The following SYNPO variants were observed in gnomAD, a reference collection of about 807,000 sequenced individuals.
The protein encoded by SYNPO is synaptopodin.
SYNPO carries 19 observed loss-of-function variants against 49.5 expected under a neutral mutation model. That is an observed-to-expected ratio of 0.38 (90% CI 0.27 to 0.56). SYNPO has a LOEUF of 0.56. Ranked by LOEUF, SYNPO falls within the 20% of genes least tolerant of loss-of-function variation. The pLI is 0.68. For missense variants in SYNPO, 1,131 were observed against 1,248.3 expected (o/e 0.91, Z 1.42); for synonymous variants, 536 against 548.0 (o/e 0.98, Z 0.31).
chr5:150,616,141 C>T (rs143997171), intron 1 of SYNPO, among the ~76,000 whole-genome samples: 6 of 152,256 alleles, frequency 3.9e-5, no homozygotes, highest in Admixed American at 2.0e-4. Flanking sequence ...CTTGGTAATG[C>T]GCTTATCTCT....
chr5:150,589,063 A>ATGC, the SYNPO span, among the ~76,000 whole-genome samples: 29 of 145,332 alleles, frequency 2.0e-4, no homozygotes, highest in East Asian at 5.4e-3. Flanking sequence ...TGCTTTATAG[A>ATGC]TTTTTTTTTT....
chr5:150,619,857 A>G (rs1350370001), intron 2 of SYNPO, among the ~76,000 whole-genome samples: 2 of 152,166 alleles, frequency 1.3e-5, no homozygotes, highest in Non-Finnish European at 2.9e-5. Context: ...ACCATTGTCT[A>G]CCAGGCTGGG....
intron 2 of SYNPO, chr5:150,651,832 G>A (rs1581518539): frequency 1.4e-5 from 14 of 1,000,430 alleles, no homozygotes; most frequent in Non-Finnish European, 1.7e-5. Context: ...ACTTCCCATC[G>A]CCTCTGACAC....
intron 1 of SYNPO, among the ~76,000 whole-genome samples, chr5:150,641,666 G>A (rs1757915214): frequency 6.6e-6 from 1 of 152,192 alleles, no homozygotes; most frequent in Non-Finnish European, 1.5e-5. Flanking sequence ...CGCCAAACAA[G>A]AACTGGGGTC....
chr5:150,605,892 T>C (rs1311755632), intron 1 of SYNPO, among the ~76,000 whole-genome samples: 2 of 150,988 alleles, frequency 1.3e-5, no homozygotes, highest in East Asian at 2.0e-4. Context: ...CAGATATACA[T>C]AGACACACAC....
chr5:150,609,788 G>GGGT (rs1554107085), intron 1 of SYNPO, among the ~76,000 whole-genome samples: 2 of 151,306 alleles, frequency 1.3e-5, no homozygotes, highest in Admixed American at 6.6e-5. Context: ...GAATGTGGCG[G>GGGT]GGGGGGGCAG....
upstream of SYNPO, among the ~76,000 whole-genome samples, chr5:150,599,472 G>A (rs887527054): frequency 6.6e-6 from 1 of 152,202 alleles, no homozygotes; most frequent in African/African-American, 2.4e-5. Context: ...GCCAAGTACT[G>A]AGTGAGCCCC....
At chr5:150,616,765 C>T (rs1443995035) in intron 1 of SYNPO, among the ~76,000 whole-genome samples, 2 of 152,130 alleles carry the variant, frequency 1.3e-5, no homozygotes, top group East Asian at 3.8e-4. Context: ...TCCCTCTTCT[C>T]CACACCCACT....
chr5:150,633,243 C>CACACA (rs1757599733), intron 2 of SYNPO, among the ~76,000 whole-genome samples: 1 of 152,196 alleles, frequency 6.6e-6, no homozygotes, highest in African/African-American at 2.4e-5. Flanking sequence ...GAGAGCTGAT[C>CACACA]TGAGCAATAA....
At chr5:150,623,039 C>T (rs767018280) in intron 2 of SYNPO, among the ~76,000 whole-genome samples, 2 of 152,206 alleles carry the variant, frequency 1.3e-5, no homozygotes, top group Non-Finnish European at 2.9e-5. Flanking sequence ...ACATACCTTC[C>T]TGAAGGCCCC....
intron 1 of SYNPO, among the ~76,000 whole-genome samples, 194 bp from the exon 2 acceptor site, chr5:150,647,750 G>C (rs1758156787): frequency 1.3e-5 from 2 of 152,204 alleles, no homozygotes; most frequent in African/African-American, 4.8e-5. Context: ...TGGCATTTGA[G>C]TTGGGCCATG....
At chr5:150,601,983 T>C (rs73274483) in intron 1 of SYNPO, among the ~76,000 whole-genome samples, 10,871 of 151,588 alleles carry the variant, frequency 0.072, 925 homozygotes, top group Admixed American at 0.19. Context: ...ATCACCACTG[T>C]AGCCCTGGCA....
chr5:150,613,600 C>T (rs1171164059), intron 1 of SYNPO, among the ~76,000 whole-genome samples: 1 of 152,188 alleles, frequency 6.6e-6, no homozygotes, highest in Non-Finnish European at 1.5e-5. Flanking sequence ...CAGTCAGAGC[C>T]ACACTCTAGG....
chr5:150,633,470 G>A (rs913239774), intron 2 of SYNPO, among the ~76,000 whole-genome samples: 1 of 152,228 alleles, frequency 6.6e-6, no homozygotes, highest in African/African-American at 2.4e-5. Context: ...AAATTAACTG[G>A]TTGAGGTTGT....
At chr5:150,586,822 A>T in the SYNPO span, among the ~76,000 whole-genome samples, 1 of 152,182 alleles carries the variant, frequency 6.6e-6, no homozygotes, top group Non-Finnish European at 1.5e-5. Flanking sequence ...GTGGATGGGT[A>T]GATGTATACA....
intron 2 of SYNPO, among the ~76,000 whole-genome samples, chr5:150,632,810 T>C (rs1757585523): frequency 6.6e-6 from 1 of 152,120 alleles, no homozygotes; most frequent in Admixed American, 6.5e-5. Context: ...GGAGAGAACA[T>C]ACTAGTGCAT....
At chr5:150,623,503 G>C (rs976816895) in intron 2 of SYNPO, among the ~76,000 whole-genome samples, 1 of 152,044 alleles carries the variant, frequency 6.6e-6, no homozygotes, top group Non-Finnish European at 1.5e-5. Context: ...GGGGTCCCAG[G>C]ATCCCACCCC....
chr5:150,590,255 C>T, the SYNPO span, among the ~76,000 whole-genome samples: 2 of 152,220 alleles, frequency 1.3e-5, no homozygotes, highest in African/African-American at 4.8e-5. Context: ...AGATGGTCCC[C>T]ATGCCTCTCC....
At chr5:150,638,255 C>T (rs1290885855), upstream of SYNPO, among the ~76,000 whole-genome samples, 1 of 152,164 alleles carries the variant, frequency 6.6e-6, no homozygotes, top group African/African-American at 2.4e-5. Context: ...TCATCTTTCT[C>T]TTAGGTTGTA....
Sources: allele counts gnomAD v4.1 joint callset (sites outside exome capture counted in the v4.1 genomes callset), GRCh38; gene constraint gnomAD v4.1.1; transcripts MANE v1.5; gene names NCBI Gene and HGNC (gene_info 2026-07-23, HGNC 2026-07-21).